Variants in GRM5 observed in about 807,000 individuals in gnomAD.
GRM5 encodes the protein glutamate metabotropic receptor 5.
Under a neutral mutation model 83.1 loss-of-function variants are expected in GRM5, and 19 were observed. The observed-to-expected ratio is 0.23, with a 90% confidence interval of 0.16 to 0.34. The LOEUF (loss-of-function observed/expected upper bound fraction) is 0.34. GRM5 is among the 10% of genes least tolerant of loss of function. The probability of loss-of-function intolerance (pLI) is 1.00; values close to 1 mark genes in which losing one functional copy is unlikely to be tolerated. For missense variants in GRM5, 1,160 were observed against 1,588.3 expected, an observed-to-expected ratio of 0.73 and a Z score of 4.58; for synonymous variants, 675 against 633.6, an observed-to-expected ratio of 1.07 and a Z score of -0.98.
At chr11:88,935,353 G>GTC (rs1050144584) in intron 2 of GRM5, among the ~76,000 whole-genome samples, 2 of 151,766 alleles carry the variant, frequency 1.3e-5, no homozygotes, top group Admixed American at 6.6e-5. Context: ...GTGTGTATGT[G>GTC]TGTGTGTGTA....
At chr11:88,998,060 G>A (rs10765819) in intron 2 of GRM5, among the ~76,000 whole-genome samples, 64,058 of 149,588 alleles carry the variant, frequency 0.43, 15,086 homozygotes, top group South Asian at 0.6. Context: ...TATGAGAGGC[G>A]GAGAGAGAAG....
chr11:88,990,109 T>C (rs11517538), intron 2 of GRM5, among the ~76,000 whole-genome samples: 75,142 of 129,458 alleles, frequency 0.58, 21,791 homozygotes, highest in African/African-American at 0.79. Context: ...ATTGATAGAC[T>C]GCTAGCAAGA....
At chr11:88,718,584 G>C (rs543745594) in intron 3 of GRM5, among the ~76,000 whole-genome samples, 1 of 152,016 alleles carries the variant, frequency 6.6e-6, no homozygotes, top group East Asian at 1.9e-4. Context: ...CAGAAAAGTT[G>C]AGATATTATT....
chr11:88,608,497 G>A (rs1938221895), intron 4 of GRM5, among the ~76,000 whole-genome samples: 1 of 148,112 alleles, frequency 6.8e-6, no homozygotes. Context: ...TAAAATATAA[G>A]CTCTATGAAA....
intron 3 of GRM5, among the ~76,000 whole-genome samples, chr11:88,721,321 G>T (rs1196959065): frequency 6.6e-6 from 1 of 151,942 alleles, no homozygotes; most frequent in African/African-American, 2.4e-5. Flanking sequence ...GGAAGAGTTC[G>T]CATCTTGTCA....
chr11:89,000,746 A>T (rs12272408), intron 2 of GRM5, among the ~76,000 whole-genome samples: 6,442 of 152,168 alleles, frequency 0.042, 462 homozygotes, highest in African/African-American at 0.15. Context: ...ACCCTAAAAG[A>T]ATTAAAGAAA....
chr11:88,785,547 C>T (rs1362437466), intron 3 of GRM5, among the ~76,000 whole-genome samples: 1 of 151,990 alleles, frequency 6.6e-6, no homozygotes, highest in African/African-American at 2.4e-5. Context: ...GATGAACAAT[C>T]ATATCTAAGA....
intron 3 of GRM5, among the ~76,000 whole-genome samples, chr11:88,696,463 C>T (rs1234186780): frequency 2.6e-5 from 4 of 152,138 alleles, no homozygotes; most frequent in Non-Finnish European, 5.9e-5. Context: ...CCAGCACTTC[C>T]CTGCCTCCCT....
At chr11:88,649,209 C>A (rs1261747936) in intron 4 of GRM5, among the ~76,000 whole-genome samples, 1 of 137,770 alleles carries the variant, frequency 7.3e-6, no homozygotes. Flanking sequence ...TATCTATACA[C>A]ATATACACAT....
chr11:88,596,437 G>A (rs544638422), intron 6 of GRM5, among the ~76,000 whole-genome samples: 4 of 152,204 alleles, frequency 2.6e-5, no homozygotes, highest in South Asian at 2.1e-4. Flanking sequence ...TAAGTTCAAT[G>A]TATTTAGTAT....
At chr11:88,873,262 G>A (rs912572447) in intron 2 of GRM5, among the ~76,000 whole-genome samples, 4 of 151,380 alleles carry the variant, frequency 2.6e-5, no homozygotes, top group African/African-American at 4.8e-5. Context: ...CAATAATAGC[G>A]GTGGGTTTCA....
At chr11:89,000,005 G>C in intron 2 of GRM5, among the ~76,000 whole-genome samples, 1 of 151,990 alleles carries the variant, frequency 6.6e-6, no homozygotes, top group East Asian at 1.9e-4. Context: ...ACCAAACACT[G>C]CATGTTCTCA....
chr11:88,846,450 A>G (rs541254117), intron 3 of GRM5, among the ~76,000 whole-genome samples: 93 of 152,316 alleles, frequency 6.1e-4, no homozygotes, highest in African/African-American at 2.2e-3. Flanking sequence ...GCTCAAATGG[A>G]AAGACCTAGT....
intron 2 of GRM5, among the ~76,000 whole-genome samples, chr11:89,023,464 A>G (rs759048877): frequency 1.3e-5 from 2 of 152,064 alleles, no homozygotes; most frequent in Non-Finnish European, 2.9e-5. Flanking sequence ...TAGATCACAA[A>G]TCTAGTCCCA....
chr11:88,880,119 T>C (rs1241243987), intron 2 of GRM5, among the ~76,000 whole-genome samples: 2 of 152,046 alleles, frequency 1.3e-5, no homozygotes, highest in African/African-American at 2.4e-5. Flanking sequence ...AATAGAAGCA[T>C]CTTTTGCTAG....
intron 2 of GRM5, among the ~76,000 whole-genome samples, chr11:88,949,890 G>A (rs764659223): frequency 6.6e-6 from 1 of 151,898 alleles, no homozygotes; most frequent in Non-Finnish European, 1.5e-5. Flanking sequence ...TTTCAGGTGG[G>A]GTCTTGCTCT....
chr11:88,755,402 C>T (rs1221436687), intron 3 of GRM5, among the ~76,000 whole-genome samples: 1 of 152,022 alleles, frequency 6.6e-6, no homozygotes, highest in African/African-American at 2.4e-5. Context: ...ATGAGAGCTA[C>T]CATATCTGTG....
chr11:88,536,765 A>C (rs936094082), intron 8 of GRM5, among the ~76,000 whole-genome samples: 1 of 152,196 alleles, frequency 6.6e-6, no homozygotes, highest in African/African-American at 2.4e-5. Flanking sequence ...AGAATGCTGC[A>C]CATTGCATCT....
chr11:88,575,086 A>G (rs1376341182), intron 7 of GRM5, among the ~76,000 whole-genome samples: 1 of 150,336 alleles, frequency 6.7e-6, no homozygotes, highest in East Asian at 2.0e-4. Flanking sequence ...TTTTTACCTT[A>G]GCACGAAACA....
Sources: gnomAD v4.1 joint callset for allele counts (sites outside exome capture counted in the v4.1 genomes callset) on GRCh38, gnomAD v4.1.1 for gene constraint, MANE v1.5 for transcripts, NCBI Gene and HGNC (gene_info 2026-07-23, HGNC 2026-07-21) for gene names.